The following CSMD1 variants were observed in gnomAD, a reference collection of about 807,000 sequenced individuals.
The protein encoded by CSMD1 is CUB and Sushi multiple domains 1, also known as CUB and sushi domain-containing protein 1.
A neutral mutation model predicts 417.5 loss-of-function variants in CSMD1; 213 were observed. The observed-to-expected ratio is 0.51, with a 90% confidence interval of 0.46 to 0.57. CSMD1 has a LOEUF of 0.57. Ranked by LOEUF, CSMD1 falls within the 20% of genes least tolerant of loss-of-function variation. The pLI, the probability that CSMD1 is intolerant of heterozygous loss-of-function variation, is 0.00. For missense variants in CSMD1, 6,923 were observed against 4,529.7 expected (o/e 1.53, Z -15.17); for synonymous variants, 2,862 against 1,736.8 (o/e 1.65, Z -16.11).
At chr8:3,399,161 C>G (rs968317593) in intron 16 of CSMD1, among the ~76,000 whole-genome samples, 1 of 152,168 alleles carries the variant, frequency 6.6e-6, no homozygotes, top group East Asian at 1.9e-4. Context: ...AATGGTCCTC[C>G]AGGACTGGCA....
intron 3 of CSMD1, among the ~76,000 whole-genome samples, chr8:4,052,534 G>A (rs147522966): frequency 1.6e-4 from 25 of 152,168 alleles, no homozygotes; most frequent in East Asian, 3.9e-4. Context: ...TTGCTAGAAC[G>A]TCAATGCACC....
Position 3,018,600 on chromosome 8 carries a change from T to A in CSMD1, c.7906A>T (p.Thr2636Ser). ...SFPPNGNKIG[T>S]LTVYGATAIF... is the part of the protein sequence containing the mutation. ...GCTGTGGCCCCATAAACTGTCAACGTTCCAATCTTGTTGCCATTTGGGGGA... is the reference window on the plus strand; with the variant it reads ...GCTGTGGCCCCATAAACTGTCAACGATCCAATCTTGTTGCCATTTGGGGGA... The change falls in exon 52 of 70, where the codon ACG becomes TCG. Residue 2636 changes from threonine (T) to serine (S), a missense_variant. Transcript: ENST00000635120. 6.2e-7 allele frequency: 1 copy of A among 1,613,218 alleles called. No individual in the cohort carries two copies. Among genetic ancestry groups the A allele is most frequent in the Admixed American group, 1.7e-5 (1 of 59,944 alleles).
At chr8:3,182,435 G>A (rs1283044568) in intron 36 of CSMD1, among the ~76,000 whole-genome samples, 1 of 152,008 alleles carries the variant, frequency 6.6e-6, no homozygotes, top group Non-Finnish European at 1.5e-5. Context: ...GGCTGGTCTC[G>A]AACTCCTGAC....
chr8:4,942,491 A>G (rs769969485), intron 1 of CSMD1, among the ~76,000 whole-genome samples: 2 of 152,172 alleles, frequency 1.3e-5, no homozygotes, highest in Non-Finnish European at 2.9e-5. Flanking sequence ...ATTTTAACTT[A>G]TATTTGTTAA....
chr8:4,020,211 CCAGA>C (rs1195248090), intron 4 of CSMD1, among the ~76,000 whole-genome samples: 3 of 152,218 alleles, frequency 2.0e-5, no homozygotes, highest in African/African-American at 7.2e-5. Flanking sequence ...AATCTTGAGG[CCAGA>C]CAGATTAAAT....
intron 26 of CSMD1, among the ~76,000 whole-genome samples, chr8:3,272,305 C>T (rs1373562673): frequency 6.9e-6 from 1 of 145,554 alleles, no homozygotes; most frequent in East Asian, 2.0e-4. Flanking sequence ...TGTTTTGGTA[C>T]CAGTACCATG....
rs371531845 is a variant in CSMD1 at position 3,190,005 on chromosome 8, G to T, written c.5305C>A (p.Pro1769Thr). Reference sequence around the variant, plus strand: ...GTGGAACCCTGAAGCAGGTATCCCGGGTTGCACTCGAATCGGACGATGGAG... The same window carrying T: ...GTGGAACCCTGAAGCAGGTATCCCGTGTTGCACTCGAATCGGACGATGGAG... ...AGSIVRFECN[P>T]GYLLQGSTAL... Residue 1769 changes from proline (P) to threonine (T), a missense_variant, in exon 34 of 70, where the codon CCG becomes ACG. Transcript: ENST00000635120. 36 of 1,598,598 alleles carry T rather than the reference G, an allele frequency of 2.3e-5. No homozygotes were observed. Among genetic ancestry groups the T allele is most frequent in the Middle Eastern group, 1.7e-4 (1 of 6,046 alleles).
intron 54 of CSMD1, among the ~76,000 whole-genome samples, chr8:2,979,208 A>G (rs971890132): frequency 1.3e-5 from 2 of 152,260 alleles, no homozygotes; most frequent in African/African-American, 4.8e-5. Flanking sequence ...ACCCCCCAAC[A>G]CACATACACA....
chr8:3,786,328 A>G (rs1024423544), intron 5 of CSMD1, among the ~76,000 whole-genome samples: 1 of 152,152 alleles, frequency 6.6e-6, no homozygotes, highest in African/African-American at 2.4e-5. Flanking sequence ...TGTCTGTTGG[A>G]TGGAGGGTCA....
At chr8:4,103,972 G>C (rs1801435657) in intron 3 of CSMD1, among the ~76,000 whole-genome samples, 2 of 152,182 alleles carry the variant, frequency 1.3e-5, no homozygotes, top group Non-Finnish European at 2.9e-5. Flanking sequence ...AGACGCGTGA[G>C]CTCCTGATGT....
intron 25 of CSMD1, among the ~76,000 whole-genome samples, chr8:3,296,141 C>G (rs1383624228): frequency 6.6e-6 from 1 of 151,908 alleles, no homozygotes; most frequent in African/African-American, 2.4e-5. Context: ...CACTGGGATA[C>G]TAATTCTTAG....
At chr8:3,992,533 C>G (rs898643150) in intron 5 of CSMD1, among the ~76,000 whole-genome samples, 1 of 152,128 alleles carries the variant, frequency 6.6e-6, no homozygotes, top group East Asian at 1.9e-4. Flanking sequence ...GCCTGTAATT[C>G]CACACTTTGG....
In CSMD1 at chr8:3,392,392, C is replaced by T. The variant is rs576441443; in HGVS notation, c.2593+3802G>A. Among the ~76,000 whole-genome samples the T allele has an allele frequency of 5.9e-5, 9 of 152,242 alleles. No homozygotes were observed. In the South Asian group the frequency reaches 1.5e-3, roughly 25 times the overall value. ...TCATTTTCTAGTGCCTGCATCTTGG[C>T]TTCAGAACCTATTTTGTCGAAGGGT... On this transcript the variant is annotated intron_variant, in intron 17 of 69. Coordinates refer to ENST00000635120, the MANE Select transcript of CSMD1 (RefSeq NM_033225.6).
chr8:3,679,680 C>G (rs760215764), intron 7 of CSMD1, among the ~76,000 whole-genome samples: 1 of 152,154 alleles, frequency 6.6e-6, no homozygotes, highest in Non-Finnish European at 1.5e-5. Context: ...CTGCACCAAG[C>G]AGACCTAATA....
At chr8:3,943,798 A>C (rs1396313299) in intron 5 of CSMD1, among the ~76,000 whole-genome samples, 2 of 152,108 alleles carry the variant, frequency 1.3e-5, no homozygotes, top group African/African-American at 4.8e-5. Flanking sequence ...CCTGTAAAAT[A>C]ATTGGCCCTT....
At chr8:3,696,533 T>G (rs552492208) in intron 7 of CSMD1, among the ~76,000 whole-genome samples, 21 of 152,332 alleles carry the variant, frequency 1.4e-4, no homozygotes, top group Non-Finnish European at 2.9e-5. Context: ...ATATAATCAT[T>G]TGGTGTAATT....
chr8:4,413,004 T>C (rs1174115834), intron 3 of CSMD1, among the ~76,000 whole-genome samples: 1 of 152,222 alleles, frequency 6.6e-6, no homozygotes, highest in Non-Finnish European at 1.5e-5. Flanking sequence ...TATGAGATTT[T>C]TGACAACTTG....
Position 4,169,892 on chromosome 8 carries a change from T to A in CSMD1, c.416-137793A>T, listed in dbSNP as rs549776318. ...CTGTGTAATTTACTTCTGTTTTCTA[T>A]GAGTACCTGTTTCCACTATTATTAT... On this transcript the variant is annotated intron_variant, in intron 3 of 69. Transcript: ENST00000635120. Among the ~76,000 whole-genome samples the A allele has an allele frequency of 2.0e-3, 304 of 152,200 alleles. 8 individuals are homozygous for A. Among genetic ancestry groups the A allele is most frequent in the Non-Finnish European group, 2.1e-4 (14 of 68,044 alleles).
At position 4,354,968 on chromosome 8, in the gene CSMD1, T is replaced by A. The variant is rs1801327599; in HGVS notation, c.415+64985A>T. 2.0e-5 allele frequency among the ~76,000 whole-genome samples: 3 copies of A among 150,316 alleles called. No individual in the cohort carries two copies. The South Asian group carries it at 6.4e-4, about 32-fold the overall frequency. ...CACCGAATTCCACCCAAACCCATGTTTAGATCTTTTGTGGCCAGGCACGGT... is the reference window on the plus strand; with the variant it reads ...CACCGAATTCCACCCAAACCCATGTATAGATCTTTTGTGGCCAGGCACGGT... On this transcript the variant is annotated intron_variant, in intron 3 of 69. Coordinates refer to ENST00000635120, the MANE Select transcript of CSMD1 (RefSeq NM_033225.6).
Sources: allele counts gnomAD v4.1 joint callset (sites outside exome capture counted in the v4.1 genomes callset), GRCh38; gene constraint gnomAD v4.1.1; transcripts MANE v1.5; gene names NCBI Gene and HGNC (gene_info 2026-07-23, HGNC 2026-07-21).